Variants in GSK3B observed in about 807,000 individuals in gnomAD.
GSK3B encodes the protein glycogen synthase kinase 3 beta.
A neutral mutation model predicts 56.4 loss-of-function variants in GSK3B; 15 were observed. The observed-to-expected ratio is 0.27, with a 90% CI of 0.18 to 0.41. The LOEUF is 0.41. Ranked by LOEUF, GSK3B falls within the 10% of genes least tolerant of loss-of-function variation. GSK3B has a pLI of 1.00. For missense variants in GSK3B, 300 were observed against 513.4 expected (o/e 0.58, Z 4.02); for synonymous variants, 181 against 188.9 (o/e 0.96, Z 0.34).
At chr3:120,028,795 C>T (rs1220250303) in intron 1 of GSK3B, 32 of 447,684 alleles carry the variant, frequency 7.1e-5, no homozygotes, top group East Asian at 2.3e-4. Flanking sequence ...GCGTGGTCTC[C>T]GCCAGTGGGC....
chr3:119,982,502 G>C (rs545429063), intron 2 of GSK3B, among the ~76,000 whole-genome samples: 7 of 152,290 alleles, frequency 4.6e-5, no homozygotes, highest in African/African-American at 1.7e-4. Flanking sequence ...AGAATAAACA[G>C]TGTAGAGAAG....
chr3:120,072,723 A>G (rs1252085415), intron 1 of GSK3B, among the ~76,000 whole-genome samples: 1 of 152,214 alleles, frequency 6.6e-6, no homozygotes, highest in Admixed American at 6.5e-5. Context: ...TTCAACATTC[A>G]TCATTTATTA....
At chr3:119,985,132 A>C (rs112345446) in intron 2 of GSK3B, among the ~76,000 whole-genome samples, 3,938 of 152,290 alleles carry the variant, frequency 0.026, 174 homozygotes, top group African/African-American at 0.089. Context: ...CTTCGACAAA[A>C]TTCAACAGCC....
chr3:120,057,259 A>G (rs1028189867), intron 1 of GSK3B, among the ~76,000 whole-genome samples: 1 of 152,242 alleles, frequency 6.6e-6, no homozygotes, highest in African/African-American at 2.4e-5. Context: ...ATCTCATTTA[A>G]TAAGAATTTA....
chr3:119,948,518 C>G (rs2057123184), intron 2 of GSK3B, among the ~76,000 whole-genome samples: 1 of 152,078 alleles, frequency 6.6e-6, no homozygotes, highest in Non-Finnish European at 1.5e-5. Context: ...AACAGAAAGT[C>G]CGAAAGTAAA....
chr3:119,911,588 T>A (rs1244849973), intron 6 of GSK3B, among the ~76,000 whole-genome samples: 1 of 152,186 alleles, frequency 6.6e-6, no homozygotes, highest in Non-Finnish European at 1.5e-5. Flanking sequence ...CGGTATCTTC[T>A]TCCAATTCAG....
At chr3:120,000,666 C>T (rs912795503) in intron 2 of GSK3B, among the ~76,000 whole-genome samples, 1 of 152,018 alleles carries the variant, frequency 6.6e-6, no homozygotes, top group Admixed American at 6.6e-5. Flanking sequence ...TGTCTTCTGA[C>T]TCTCTCTGCT....
intron 2 of GSK3B, among the ~76,000 whole-genome samples, chr3:119,977,776 G>C (rs1369134660): frequency 6.6e-6 from 1 of 151,988 alleles, no homozygotes; most frequent in African/African-American, 2.4e-5. Flanking sequence ...AACCAATAGG[G>C]GGAAAAAATT....
intron 2 of GSK3B, among the ~76,000 whole-genome samples, chr3:119,967,860 CT>C (rs2057333342): frequency 7.7e-6 from 1 of 130,370 alleles, no homozygotes; most frequent in Non-Finnish European, 1.6e-5. Flanking sequence ...CTCTCTCTCT[CT>C]CTCTCCTTTC....
intron 10 of GSK3B, among the ~76,000 whole-genome samples, chr3:119,829,466 A>G (rs1317764275): frequency 6.6e-6 from 1 of 152,212 alleles, no homozygotes; most frequent in South Asian, 2.1e-4. Flanking sequence ...AAATTTATCT[A>G]TCTGTTTGAC....
At chr3:119,943,522 G>C (rs2057070415) in intron 3 of GSK3B, among the ~76,000 whole-genome samples, 1 of 152,168 alleles carries the variant, frequency 6.6e-6, no homozygotes, top group African/African-American at 2.4e-5. Flanking sequence ...GGTCAGGACA[G>C]TAGTAGTGAA....
chr3:119,867,816 C>T (rs768557120), intron 8 of GSK3B, among the ~76,000 whole-genome samples: 5 of 151,972 alleles, frequency 3.3e-5, no homozygotes, highest in Admixed American at 6.6e-5. Context: ...AAATAATCCG[C>T]GGATTACTTT....
At chr3:119,918,487 C>G (rs185900227) in intron 4 of GSK3B, among the ~76,000 whole-genome samples, 32 of 150,958 alleles carry the variant, frequency 2.1e-4, no homozygotes, top group Middle Eastern at 3.4e-3. Context: ...AAAACAAAAA[C>G]AAAACAAAAC....
chr3:119,854,503 C>A (rs576088557), intron 9 of GSK3B, among the ~76,000 whole-genome samples: 1 of 152,268 alleles, frequency 6.6e-6, no homozygotes, highest in Non-Finnish European at 1.5e-5. Context: ...GGTACCAGCT[C>A]CTCTGTGTAC....
intron 1 of GSK3B, among the ~76,000 whole-genome samples, chr3:120,024,482 T>A (rs2057907155): frequency 6.6e-6 from 1 of 152,204 alleles, no homozygotes; most frequent in Non-Finnish European, 1.5e-5. Flanking sequence ...TTTTTTCAGC[T>A]TACATTTTCA....
intron 3 of GSK3B, among the ~76,000 whole-genome samples, chr3:119,931,490 C>T (rs1021473581): frequency 2.6e-5 from 4 of 152,070 alleles, no homozygotes; most frequent in African/African-American, 2.4e-5. Flanking sequence ...GTGGCATGCA[C>T]CTGTAGTCCC....
intron 1 of GSK3B, among the ~76,000 whole-genome samples, chr3:120,092,502 G>A (rs1393483946): frequency 6.6e-6 from 1 of 152,166 alleles, no homozygotes; most frequent in African/African-American, 2.4e-5. Context: ...GAACTTAAAT[G>A]TAATGAGCCA....
Position 120,025,988 on chromosome 3 carries a change from T to C in GSK3B, c.89-23749A>G, listed in dbSNP as rs572739619. Among the ~76,000 whole-genome samples the C allele has an allele frequency of 5.3e-5, 8 of 152,290 alleles. No individual in the cohort carries two copies. In the South Asian group the frequency reaches 1.7e-3, roughly 32 times the overall value. ...TCAGCTCTGAAAGTATGATGGACGG[T>C]AGCCAGATTAAGAGGATAAAATGTC... On this transcript the variant is annotated intron_variant, in intron 1 of 10. Coordinates refer to ENST00000264235, the MANE Select transcript of GSK3B (RefSeq NM_001146156.2).
intron 7 of GSK3B, among the ~76,000 whole-genome samples, chr3:119,887,186 T>C (rs974197684): frequency 1.4e-4 from 22 of 152,140 alleles, no homozygotes; most frequent in Non-Finnish European, 2.2e-4. Context: ...AAGGCTTGCA[T>C]GGTATTATTA....
Sources: allele counts gnomAD v4.1 joint callset (sites outside exome capture counted in the v4.1 genomes callset), GRCh38; gene constraint gnomAD v4.1.1; transcripts MANE v1.5; gene names NCBI Gene and HGNC (gene_info 2026-07-23, HGNC 2026-07-21).